PARVB: variants seen among roughly 807,000 people sequenced by gnomAD.
PARVB encodes beta-parvin.
A neutral mutation model predicts 47.0 loss-of-function variants in PARVB; 46 were observed. The ratio of observed to expected loss-of-function variants is 0.98; its 90% CI spans 0.77 to 1.25. The LOEUF (loss-of-function observed/expected upper bound fraction) is 1.25. Ranked by LOEUF, PARVB falls within the 50% of genes most tolerant of loss-of-function variation. PARVB has a pLI of 0.00. For missense variants in PARVB, 473 were observed against 471.6 expected (o/e 1.00, Z -0.03); for synonymous variants, 196 against 196.3 (o/e 1.00, Z 0.01).
chr22:44,159,502 T>C (rs1364085566), intron 11 of PARVB, among the ~76,000 whole-genome samples: 1 of 152,162 alleles, frequency 6.6e-6, no homozygotes, highest in African/African-American at 2.4e-5. Context: ...AAGGGAAGGC[T>C]ATTTTCAGGT....
chr22:44,155,037 TGTGTGTGTG>T lies in PARVB; in HGVS notation c.844-2944_844-2936del, dbSNP rs1569159453. ...TGTGTGGTTTTTGTAGTCTGTGTGG[TGTGTGTGTG>T]TGTGTGTGTGTGGTTTTTGTAGTCT... On this transcript the variant is annotated intron_variant, in intron 10 of 12. Transcript: ENST00000338758. This position sits in a 1 kb window ranked among gnomAD's most constrained non-coding sequence, Gnocchi z 4.8. Among the ~76,000 whole-genome samples, 1,080 of 42,186 alleles carry T rather than the reference TGTGTGTGTG, an allele frequency of 0.026. 9 individuals carry two copies. The highest frequency in any genetic ancestry group is 0.093 in the African/African-American group (825 of 8,876). The allele number at this position is 42,186 out of a possible 152,430, so 27.7% of individuals were successfully genotyped here.
chr22:44,058,788 C>T lies in PARVB; in HGVS notation c.112+34337C>T, dbSNP rs925051892. Among the ~76,000 whole-genome samples the T allele has an allele frequency of 3.9e-5, 6 of 152,066 alleles. No homozygotes were observed. The South Asian group carries it at 1.2e-3, about 32-fold the overall frequency. On this transcript the variant is annotated intron_variant, in intron 1 of 12. Transcript: ENST00000338758. ...CAGGGTGGTCTTGAACCCCTGAGCT[C>T]AGGCAATCCACCTGCCTCAGCCTCC...
chr22:44,119,043 C>G lies in PARVB; in HGVS notation c.279C>G (p.Leu93=). ...AATGCCTGCGTCTCCTGCAGGTCCT[C>G]CTCGACTGGATTAATGACGTGCTGG... is the stretch of plus-strand genomic sequence containing the variant. The part of the protein sequence containing the change: ...DPKFKELVKV[L]LDWINDVLVE... The change falls in exon 4 of 13, where the codon CTC becomes CTG. Residue 93 remains leucine, a synonymous_variant. Coordinates refer to ENST00000338758, the MANE Select transcript of PARVB (RefSeq NM_013327.5). 1 of 1,613,428 alleles carries G rather than the reference C, an allele frequency of 6.2e-7. No homozygotes were observed. The highest frequency in any genetic ancestry group is 8.5e-7 in the Non-Finnish European group (1 of 1,179,358).
intron 4 of PARVB, among the ~76,000 whole-genome samples, chr22:44,120,634 A>G (rs972834624): frequency 6.6e-6 from 1 of 152,114 alleles, no homozygotes; most frequent in Non-Finnish European, 1.5e-5. Flanking sequence ...GGGTTTCTCC[A>G]TTGTAAAGGT....
chr22:44,045,212 C>T (rs183987127), intron 1 of PARVB, among the ~76,000 whole-genome samples: 1 of 152,258 alleles, frequency 6.6e-6, no homozygotes, highest in East Asian at 1.9e-4. Flanking sequence ...TATGATTGCA[C>T]CACTGCACTC....
chr22:44,031,513 G>A (rs1477639835), intron 1 of PARVB: 1 of 151,664 alleles, frequency 6.6e-6, no homozygotes, highest in African/African-American at 2.4e-5. Context: ...AAAAGGTAAA[G>A]GCACTGCTTG....
chr22:44,148,193 A>C (rs1249740748), intron 9 of PARVB: 1 of 498,514 alleles, frequency 2.0e-6, no homozygotes, highest in African/African-American at 1.9e-5. Context: ...TTCTGACTCG[A>C]GACCTTTTTT....
At chr22:44,090,345 C>T (rs1351820714) in intron 1 of PARVB, among the ~76,000 whole-genome samples, 2 of 152,226 alleles carry the variant, frequency 1.3e-5, no homozygotes, top group African/African-American at 2.4e-5. Flanking sequence ...CTCAGGCCAT[C>T]GTGCATAACC....
intron 2 of PARVB, among the ~76,000 whole-genome samples, chr22:44,012,331 T>C (rs2050531545): frequency 6.6e-6 from 1 of 152,208 alleles, no homozygotes; most frequent in East Asian, 1.9e-4. Flanking sequence ...TCCAAAATCA[T>C]TTGAGTGAAA....
rs968793929 is a variant in PARVB, at chr22:44,068,091, G to A, written c.113-25837G>A. 4.5e-5 allele frequency among the ~76,000 whole-genome samples: 5 copies of A among 110,528 alleles called. No individual in the cohort carries two copies. The highest frequency in any genetic ancestry group is 1.1e-4 in the African/African-American group (3 of 27,468). 72.5% of individuals were successfully genotyped at this position (110,528 alleles called of 152,430 possible). A position where few individuals can be genotyped will look rare whatever the true frequency, so the allele number is the denominator to read the frequency against. On this transcript the variant is annotated intron_variant, in intron 1 of 12. Transcript: ENST00000338758. The surrounding 1 kb of genome is among the most constrained non-coding windows in gnomAD (Gnocchi z 4.1). ...ACATGGGCCTCCCGTGGGCCTCACC[G>A]CTTCCTGCTTCAGCAGAACTGGGAT...
chr22:44,099,564 T>C (rs1328551908), intron 2 of PARVB, among the ~76,000 whole-genome samples: 1 of 152,250 alleles, frequency 6.6e-6, no homozygotes, highest in Non-Finnish European at 1.5e-5. Context: ...ATATTTTTTC[T>C]GCATGTTATT....
At chr22:44,147,956 C>G (rs752680020) in intron 9 of PARVB, 34 bp downstream of exon 9, 2 of 1,579,312 alleles carry the variant, frequency 1.3e-6, no homozygotes, top group Admixed American at 3.4e-5. Context: ...ATGTGCTCTC[C>G]CCTGGCTCGC....
rs921596513 is a variant in PARVB at position 44,169,963 on chromosome 22, C to G, written c.*1285C>G. The G allele has an allele frequency of 2.7e-5, 4 of 149,002 alleles. No homozygotes were observed. The highest frequency in any genetic ancestry group is 1.0e-4 in the African/African-American group (4 of 38,706). The allele number at this position is 149,002 out of a possible 1,614,324, so 9.2% of individuals were successfully genotyped here. On this transcript the variant is annotated 3_prime_UTR_variant, in exon 13 of 13. Coordinates refer to ENST00000338758, the MANE Select transcript of PARVB (RefSeq NM_013327.5). ...TCATGATCTGCCTGCCTCAGCCTCC[C>G]AAAGTGTTGGGATTACAGGCGTGAG...
chr22:44,110,565 C>G (rs930010368), intron 3 of PARVB: 3 of 151,928 alleles, frequency 2.0e-5, no homozygotes. Flanking sequence ...ATCCAGGAGT[C>G]CTTTGAATTT....
chr22:44,163,763 C>A, intron 11 of PARVB, 95 bp from the exon 12 acceptor site: 1 of 1,078,278 alleles, frequency 9.3e-7, no homozygotes, highest in Non-Finnish European at 1.4e-6. Flanking sequence ...GTTGCAGAGG[C>A]TCGGTCCTGT....
At chr22:44,000,778 G>A (rs927332081) in intron 2 of PARVB, among the ~76,000 whole-genome samples, 4 of 152,148 alleles carry the variant, frequency 2.6e-5, no homozygotes, top group Non-Finnish European at 4.4e-5. Context: ...CTGAAACCCC[G>A]TCTATGTCTT....
chr22:44,048,328 G>C lies in PARVB; in HGVS notation c.112+23877G>C, dbSNP rs184387444. Among the ~76,000 whole-genome samples, 313 of 152,240 alleles carry C rather than the reference G, an allele frequency of 2.1e-3. 4 individuals are homozygous for C. The highest frequency in any genetic ancestry group is 6.3e-4 in the Non-Finnish European group (43 of 68,026). On this transcript the variant is annotated intron_variant, in intron 1 of 12. Coordinates refer to ENST00000338758, the MANE Select transcript of PARVB (RefSeq NM_013327.5). ...TTATGTGGAGAGCACTCATGACCAT[G>C]TGGACATATCTTTTGGGGGCACATG... is the stretch of plus-strand genomic sequence containing the variant.
intron 1 of PARVB, among the ~76,000 whole-genome samples, chr22:44,033,895 G>T (rs187936091): frequency 6.6e-4 from 101 of 152,142 alleles, no homozygotes; most frequent in Non-Finnish European, 1.2e-3. Context: ...GTCTGCCCTT[G>T]TTGTTTTCTG....
intron 2 of PARVB, among the ~76,000 whole-genome samples, chr22:44,008,390 G>A (rs6006614): frequency 0.037 from 5,687 of 152,136 alleles, 341 homozygotes; most frequent in African/African-American, 0.13. Context: ...GATTTCAGGC[G>A]TGAGCCACCA....
Sources: allele counts gnomAD v4.1 joint callset (sites outside exome capture counted in the v4.1 genomes callset), GRCh38; gene constraint gnomAD v4.1.1; non-coding constraint Gnocchi (gnomAD v3.1); transcripts MANE v1.5; gene names NCBI Gene and HGNC (gene_info 2026-07-23, HGNC 2026-07-21).